SLC25A12: variants seen among roughly 807,000 people sequenced by gnomAD.
The protein encoded by SLC25A12 is solute carrier family 25 member 12.
SLC25A12 carries 32 observed loss-of-function variants against 83.3 expected under a neutral mutation model. The observed-to-expected ratio is 0.38, with a 90% confidence interval of 0.29 to 0.52. The LOEUF (loss-of-function observed/expected upper bound fraction) is 0.52, where lower values mean the gene tolerates loss of function less well. Ranked by LOEUF, SLC25A12 falls within the 20% of genes least tolerant of loss-of-function variation. The pLI is 0.84. For synonymous variants in SLC25A12, 267 were observed against 291.1 expected (o/e 0.92, Z 0.84); for missense variants, 611 against 835.6 (o/e 0.73, Z 3.31).
chr2:171,829,722 T>C (rs1684389280), intron 8 of SLC25A12, among the ~76,000 whole-genome samples: 1 of 152,240 alleles, frequency 6.6e-6, no homozygotes, highest in Non-Finnish European at 1.5e-5. Context: ...AGCTTTGACC[T>C]TAGCCTTTCA....
chr2:171,887,435 A>C (rs1685843444), intron 2 of SLC25A12, among the ~76,000 whole-genome samples: 1 of 152,248 alleles, frequency 6.6e-6, no homozygotes, highest in Admixed American at 6.5e-5. Flanking sequence ...CCTTTACTAT[A>C]CAACACACCA....
intron 6 of SLC25A12, among the ~76,000 whole-genome samples, chr2:171,835,965 T>C (rs912303286): frequency 3.3e-5 from 5 of 152,198 alleles, no homozygotes; most frequent in Admixed American, 1.3e-4. Context: ...GAGGCTATTA[T>C]AGTAGGTCTA....
At chr2:171,792,046 G>C (rs1265061245) in intron 14 of SLC25A12, among the ~76,000 whole-genome samples, 1 of 152,054 alleles carries the variant, frequency 6.6e-6, no homozygotes, top group East Asian at 1.9e-4. Context: ...TCTAGAGCAG[G>C]GGGAAAAGAA....
intron 9 of SLC25A12, among the ~76,000 whole-genome samples, chr2:171,817,418 A>G (rs973396601): frequency 6.6e-6 from 1 of 151,962 alleles, no homozygotes; most frequent in African/African-American, 2.4e-5. Context: ...CTTGGCCAAC[A>G]TGGTGAAACC....
rs893859184 is a variant in SLC25A12 at position 171,802,693 on chromosome 2, G to A, written c.1305+6913C>T. ...CGGGAGGCTGAGGCAGGAGAATGGC[G>A]TGAACCCGGGAAGCGGAGCTTGCAG... On this transcript the variant is annotated intron_variant, in intron 13 of 17. Transcript: ENST00000422440. Among the ~76,000 whole-genome samples the A allele has an allele frequency of 4.6e-5, 7 of 152,214 alleles. No individual in the cohort carries two copies. In the East Asian group the frequency reaches 7.7e-4, roughly 17 times the overall value.
intron 8 of SLC25A12, among the ~76,000 whole-genome samples, chr2:171,829,952 C>T (rs1437770428): frequency 6.6e-6 from 1 of 152,160 alleles, no homozygotes; most frequent in Non-Finnish European, 1.5e-5. Context: ...TTAAGGCTCT[C>T]CTTGGAGGAA....
chr2:171,787,298 C>G (rs1000442485), intron 17 of SLC25A12, among the ~76,000 whole-genome samples: 1 of 152,208 alleles, frequency 6.6e-6, no homozygotes, highest in Non-Finnish European at 1.5e-5. Flanking sequence ...GCACTCCAGC[C>G]TGGGCAACAG....
chr2:171,866,102 TA>T (rs1685290019), intron 3 of SLC25A12, among the ~76,000 whole-genome samples: 2 of 131,692 alleles, frequency 1.5e-5, no homozygotes, highest in African/African-American at 5.8e-5. Flanking sequence ...GCACCGCCCT[TA>T]ATCCATTTAA....
intron 3 of SLC25A12, 86 bp downstream of exon 3, chr2:171,868,595 T>C (rs1685393235): frequency 2.2e-6 from 3 of 1,352,308 alleles, no homozygotes; most frequent in African/African-American, 1.4e-5. Flanking sequence ...ATTACAGGCA[T>C]GAGCCACTGT....
At chr2:171,810,198 A>G in intron 12 of SLC25A12, 26 bp downstream of exon 12, 1 of 1,599,136 alleles carries the variant, frequency 6.3e-7, no homozygotes. Flanking sequence ...AACAAATGAC[A>G]TAAATTCAGT....
chr2:171,795,359 C>T (rs1430235653), intron 13 of SLC25A12, among the ~76,000 whole-genome samples: 1 of 152,192 alleles, frequency 6.6e-6, no homozygotes, highest in Non-Finnish European at 1.5e-5. Flanking sequence ...CAGAAGGAAG[C>T]ACTTTAATGT....
At chr2:171,839,977 GATCTCTGAACCAGC>G (rs1182782029) in intron 5 of SLC25A12, among the ~76,000 whole-genome samples, 1 of 152,092 alleles carries the variant, frequency 6.6e-6, no homozygotes, top group Non-Finnish European at 1.5e-5. Flanking sequence ...TTTAACAGAG[GATCTCTGAACCAGC>G]ATAGACCACA....
At chr2:171,808,751 G>A (rs1683886486) in intron 13 of SLC25A12, among the ~76,000 whole-genome samples, 1 of 152,118 alleles carries the variant, frequency 6.6e-6, no homozygotes, top group Non-Finnish European at 1.5e-5. Flanking sequence ...ACAATGTGCA[G>A]GTTTGATACA....
chr2:171,830,592 C>A (rs1412537385), intron 8 of SLC25A12, among the ~76,000 whole-genome samples: 2 of 152,158 alleles, frequency 1.3e-5, no homozygotes, highest in African/African-American at 4.8e-5. Flanking sequence ...CAGCTCACTG[C>A]AACCTCCACC....
intron 9 of SLC25A12, among the ~76,000 whole-genome samples, chr2:171,819,825 A>T (rs1336903293): frequency 6.6e-6 from 1 of 152,134 alleles, no homozygotes; most frequent in Non-Finnish European, 1.5e-5. Flanking sequence ...CAAAGAAAAC[A>T]AAGTCCTATG....
In SLC25A12 at chr2:171,855,835, A is replaced by C; in HGVS notation, c.324T>G (p.Phe108Leu). The C allele has an allele frequency of 6.4e-7, 1 of 1,566,140 alleles. No individual in the cohort carries two copies. The highest frequency in any genetic ancestry group is 8.8e-7 in the Non-Finnish European group (1 of 1,136,194). The change falls in exon 4 of 18, where the codon TTT becomes TTG. Residue 108 changes from phenylalanine to leucine, a missense_variant and splice_region_variant. Physicochemically the swap from Phe to Leu is conservative, Grantham distance 22. Coordinates refer to ENST00000422440, the MANE Select transcript of SLC25A12 (RefSeq NM_003705.5). ...CTTATAATCTTCTTTTTCCCTTACC[A>C]AATGTCACCTCTCCATTTCCACTCT... ...FDKSGNGEVT[F>L]ENVKEIFGQT...
At chr2:171,813,560 T>TAA (rs1683990118) in intron 10 of SLC25A12, 63 bp from the exon 11 acceptor site, 2 of 1,504,294 alleles carry the variant, frequency 1.3e-6, no homozygotes, top group Admixed American at 3.4e-5. Flanking sequence ...TCCATAAGGA[T>TAA]GACAAATCTT....
intron 2 of SLC25A12, among the ~76,000 whole-genome samples, chr2:171,889,709 T>A (rs577643574): frequency 0.022 from 3,343 of 152,316 alleles, 57 homozygotes; most frequent in Middle Eastern, 0.037. Flanking sequence ...TATCCCCTGA[T>A]ATACCTCTGT....
At chr2:171,802,593 G>A (rs909601393) in intron 13 of SLC25A12, among the ~76,000 whole-genome samples, 3 of 151,966 alleles carry the variant, frequency 2.0e-5, no homozygotes, top group African/African-American at 7.2e-5. Context: ...TGGCTAACAC[G>A]GTGAAACCCC....
Sources: gnomAD v4.1 joint callset for allele counts (sites outside exome capture counted in the v4.1 genomes callset) on GRCh38, gnomAD v4.1.1 for gene constraint, MANE v1.5 for transcripts, NCBI Gene and HGNC (gene_info 2026-07-23, HGNC 2026-07-21) for gene names.